Variants in KCNH7 observed in about 807,000 individuals in gnomAD.
KCNH7 encodes the protein voltage-gated inwardly rectifying potassium channel KCNH7.
A neutral mutation model predicts 120.8 loss-of-function variants in KCNH7; 49 were observed. The observed-to-expected ratio is 0.41, with a 90% CI of 0.32 to 0.51. The LOEUF (loss-of-function observed/expected upper bound fraction) is 0.51. Ranked by LOEUF, KCNH7 falls within the 20% of genes least tolerant of loss-of-function variation. KCNH7 has a pLI of 0.38. For missense variants in KCNH7, 1,097 were observed against 1,446.6 expected, an observed-to-expected ratio of 0.76 and a Z score of 3.92; for synonymous variants, 547 against 516.1, an observed-to-expected ratio of 1.06 and a Z score of -0.81.
intron 7 of KCNH7, among the ~76,000 whole-genome samples, chr2:162,440,394 T>C (rs1363214946): frequency 6.6e-6 from 1 of 152,026 alleles, no homozygotes; most frequent in Non-Finnish European, 1.5e-5. Context: ...AGATAAGTAA[T>C]AAATTTCATT....
intron 14 of KCNH7, among the ~76,000 whole-genome samples, chr2:162,377,312 T>C (rs1374116235): frequency 2.7e-5 from 4 of 150,206 alleles, no homozygotes; most frequent in Non-Finnish European, 5.9e-5. Context: ...GAAACAAATG[T>C]CAAAGGAGAT....
chr2:162,440,643 A>T (rs1165744264), intron 7 of KCNH7, among the ~76,000 whole-genome samples: 1 of 152,042 alleles, frequency 6.6e-6, no homozygotes, highest in Non-Finnish European at 1.5e-5. Flanking sequence ...CTAGATTGTA[A>T]TTTATTTATA....
chr2:162,500,376 A>ATTATATG (rs1190225863), intron 6 of KCNH7, among the ~76,000 whole-genome samples: 1 of 145,618 alleles, frequency 6.9e-6, no homozygotes, highest in Non-Finnish European at 1.5e-5. Context: ...TAATGTATAT[A>ATTATATG]TTATATATAA....
intron 2 of KCNH7, among the ~76,000 whole-genome samples, chr2:162,735,968 G>A (rs1687891574): frequency 6.6e-6 from 1 of 152,192 alleles, no homozygotes; most frequent in Admixed American, 6.5e-5. Context: ...GAATGTTGAA[G>A]TACTTGTATG....
intron 2 of KCNH7, among the ~76,000 whole-genome samples, chr2:162,555,539 T>C (rs1046358712): frequency 5.9e-5 from 9 of 152,238 alleles, no homozygotes; most frequent in African/African-American, 2.2e-4. Flanking sequence ...TGTGTGCATA[T>C]TTGGAATTTA....
intron 14 of KCNH7, among the ~76,000 whole-genome samples, chr2:162,377,273 A>T (rs1686234123): frequency 6.6e-6 from 1 of 152,230 alleles, no homozygotes; most frequent in Non-Finnish European, 1.5e-5. Flanking sequence ...GCAAAAAAAA[A>T]AAAAGTGTGA....
At chr2:162,747,299 G>T (rs1465937877) in intron 2 of KCNH7, among the ~76,000 whole-genome samples, 1 of 152,106 alleles carries the variant, frequency 6.6e-6, no homozygotes, top group East Asian at 1.9e-4. Context: ...GGTTTTGAGG[G>T]TTTAACAACA....
At chr2:162,376,026 T>C (rs975976290) in intron 14 of KCNH7, among the ~76,000 whole-genome samples, 1 of 152,186 alleles carries the variant, frequency 6.6e-6, no homozygotes, top group Non-Finnish European at 1.5e-5. Context: ...AACATAGTTT[T>C]AGAACTTTTT....
At chr2:162,704,993 C>T (rs559782719) in intron 2 of KCNH7, among the ~76,000 whole-genome samples, 8 of 152,114 alleles carry the variant, frequency 5.3e-5, no homozygotes, top group South Asian at 2.1e-4. Context: ...TTTTAGTGAT[C>T]GTTGTCATTA....
chr2:162,452,110 G>A (rs1199819558), intron 6 of KCNH7, among the ~76,000 whole-genome samples: 3 of 152,038 alleles, frequency 2.0e-5, no homozygotes, highest in Non-Finnish European at 4.4e-5. Context: ...TATTTATAAA[G>A]GAAATGTTAT....
chr2:162,621,804 T>C (rs1209653226), intron 2 of KCNH7, among the ~76,000 whole-genome samples: 2 of 152,192 alleles, frequency 1.3e-5, no homozygotes, highest in Non-Finnish European at 2.9e-5. Context: ...ACTTTTGTTT[T>C]AGCAAAATTG....
chr2:162,473,703 G>A (rs1023446012), intron 6 of KCNH7, among the ~76,000 whole-genome samples: 1 of 152,174 alleles, frequency 6.6e-6, no homozygotes, highest in Non-Finnish European at 1.5e-5. Flanking sequence ...CTTAGAAGAG[G>A]TCATATTCTA....
intron 8 of KCNH7, among the ~76,000 whole-genome samples, chr2:162,425,297 C>G (rs1233134777): frequency 6.6e-6 from 1 of 151,980 alleles, no homozygotes; most frequent in Non-Finnish European, 1.5e-5. Context: ...ATATGTCTAT[C>G]TAGTATCTAC....
intron 2 of KCNH7, among the ~76,000 whole-genome samples, chr2:162,682,486 C>G (rs1212578503): frequency 6.6e-6 from 1 of 151,330 alleles, no homozygotes; most frequent in East Asian, 1.9e-4. Flanking sequence ...GTACTCATAT[C>G]TAACACAACA....
chr2:162,800,211 A>G (rs1011094548), intron 2 of KCNH7, among the ~76,000 whole-genome samples: 11 of 151,834 alleles, frequency 7.2e-5, no homozygotes, highest in Non-Finnish European at 1.5e-4. Context: ...AGCATTGTAG[A>G]AAATGAATGT....
At chr2:162,396,153 G>C (rs1364811419) in intron 11 of KCNH7, among the ~76,000 whole-genome samples, 1 of 151,500 alleles carries the variant, frequency 6.6e-6, no homozygotes, top group Non-Finnish European at 1.5e-5. Flanking sequence ...GTTCATTCTG[G>C]GTTAACTTAC....
At chr2:162,470,538 C>A (rs566877831) in intron 6 of KCNH7, among the ~76,000 whole-genome samples, 118 of 151,966 alleles carry the variant, frequency 7.8e-4, no homozygotes, top group African/African-American at 2.7e-3. Context: ...AAGTGAGGAG[C>A]GTCTCCGCCC....
At chr2:162,809,514 A>T (rs1684659276) in intron 2 of KCNH7, among the ~76,000 whole-genome samples, 1 of 152,208 alleles carries the variant, frequency 6.6e-6, no homozygotes. Context: ...TTTATTCAGT[A>T]CTTTTGATTC....
chr2:162,705,534 T>C (rs1037382774), intron 2 of KCNH7, among the ~76,000 whole-genome samples: 1 of 152,118 alleles, frequency 6.6e-6, no homozygotes, highest in African/African-American at 2.4e-5. Context: ...TGTCTACATA[T>C]AGGTATTTTG....
Sources: allele counts gnomAD v4.1 joint callset (sites outside exome capture counted in the v4.1 genomes callset), GRCh38; gene constraint gnomAD v4.1.1; transcripts MANE v1.5; gene names NCBI Gene and HGNC (gene_info 2026-07-23, HGNC 2026-07-21).